PTPRK: variants seen among roughly 807,000 people sequenced by gnomAD.
PTPRK encodes the protein receptor-type tyrosine-protein phosphatase kappa.
PTPRK carries 75 observed loss-of-function variants against 178.0 expected under a neutral mutation model. The ratio of observed to expected loss-of-function variants is 0.42; its 90% CI spans 0.35 to 0.51. The LOEUF is 0.51. Ranked by LOEUF, PTPRK falls within the 20% of genes least tolerant of loss-of-function variation. PTPRK has a pLI of 0.02. For missense variants in PTPRK, 1,441 were observed against 1,797.8 expected (o/e 0.80, Z 3.59); for synonymous variants, 637 against 620.6 (o/e 1.03, Z -0.39).
intron 6 of PTPRK, among the ~76,000 whole-genome samples, chr6:128,213,496 C>CT (rs767711272): frequency 6.6e-6 from 1 of 152,018 alleles, no homozygotes; most frequent in Non-Finnish European, 1.5e-5. Context: ...GAAAACATAG[C>CT]TGTTTAAATT....
intron 1 of PTPRK, among the ~76,000 whole-genome samples, chr6:128,497,085 T>C (rs1290160605): frequency 6.6e-6 from 1 of 152,224 alleles, no homozygotes; most frequent in Non-Finnish European, 1.5e-5. Context: ...ATTAATCACT[T>C]ATAAAATTGC....
intron 13 of PTPRK, among the ~76,000 whole-genome samples, chr6:128,063,862 G>A (rs540331231): frequency 5.8e-4 from 89 of 152,252 alleles, no homozygotes; most frequent in African/African-American, 2.0e-3. Context: ...GGAGAAAACT[G>A]ATGAAAGGAA....
chr6:128,339,440 T>C (rs1229661687), intron 2 of PTPRK, among the ~76,000 whole-genome samples: 2 of 152,174 alleles, frequency 1.3e-5, no homozygotes, highest in East Asian at 1.9e-4. Context: ...CATCTACTAA[T>C]GTATTTTTCC....
chr6:128,381,526 C>A (rs959018588), intron 2 of PTPRK, among the ~76,000 whole-genome samples: 53 of 152,158 alleles, frequency 3.5e-4, no homozygotes, highest in African/African-American at 1.3e-3. Flanking sequence ...AAACCAATTT[C>A]TTATAGATTA....
chr6:128,151,270 T>C (rs1041030214), intron 7 of PTPRK, among the ~76,000 whole-genome samples: 17 of 152,066 alleles, frequency 1.1e-4, no homozygotes, highest in Admixed American at 3.3e-4. Flanking sequence ...AACTATATTT[T>C]TAAAATCCCA....
intron 13 of PTPRK, among the ~76,000 whole-genome samples, chr6:128,052,808 T>A (rs1779243287): frequency 6.6e-6 from 1 of 152,210 alleles, no homozygotes; most frequent in South Asian, 2.1e-4. Flanking sequence ...TAAGGACTTG[T>A]GCTTTCCTAT....
At chr6:128,072,661 G>A (rs538295642) in intron 11 of PTPRK, among the ~76,000 whole-genome samples, 14 of 151,986 alleles carry the variant, frequency 9.2e-5, no homozygotes, top group African/African-American at 3.4e-4. Context: ...TTTTCCATTC[G>A]AAGCTGGTAT....
chr6:128,039,393 T>C (rs1252158748), intron 13 of PTPRK, among the ~76,000 whole-genome samples: 1 of 152,154 alleles, frequency 6.6e-6, no homozygotes, highest in African/African-American at 2.4e-5. Context: ...ATAGGGTCTA[T>C]GTTCATAAAT....
chr6:128,138,653 C>A (rs1227278442), intron 7 of PTPRK, among the ~76,000 whole-genome samples: 1 of 152,008 alleles, frequency 6.6e-6, no homozygotes, highest in Non-Finnish European at 1.5e-5. Flanking sequence ...TGTCTTTATT[C>A]CTATTTAATT....
intron 7 of PTPRK, among the ~76,000 whole-genome samples, chr6:128,115,203 T>C (rs1455339509): frequency 6.6e-6 from 1 of 152,090 alleles, no homozygotes; most frequent in African/African-American, 2.4e-5. Flanking sequence ...CAGCTCAGCA[T>C]ACCTGACTGG....
At chr6:128,031,258 T>C (rs1379273048) in intron 13 of PTPRK, among the ~76,000 whole-genome samples, 5 of 152,180 alleles carry the variant, frequency 3.3e-5, no homozygotes, top group Non-Finnish European at 2.9e-5. Flanking sequence ...AACAGGTGAT[T>C]TGGCTAAACG....
At chr6:127,980,796 T>G (rs1396045782) in intron 25 of PTPRK, among the ~76,000 whole-genome samples, 1 of 151,988 alleles carries the variant, frequency 6.6e-6, no homozygotes, top group East Asian at 1.9e-4. Flanking sequence ...CATTTCTAAT[T>G]ATATTCAAAA....
chr6:128,129,817 A>C (rs1275917526), intron 7 of PTPRK, among the ~76,000 whole-genome samples: 2 of 152,170 alleles, frequency 1.3e-5, no homozygotes, highest in Admixed American at 6.5e-5. Context: ...TTTTGTATAT[A>C]CTTTATTGTC....
intron 1 of PTPRK, among the ~76,000 whole-genome samples, chr6:128,427,015 T>C (rs1044247011): frequency 1.3e-5 from 2 of 152,290 alleles, no homozygotes; most frequent in South Asian, 2.1e-4. Context: ...CATGAATAAG[T>C]TTAAAGATTA....
At chr6:128,222,132 T>C (rs1356972797) in intron 5 of PTPRK, among the ~76,000 whole-genome samples, 1 of 152,206 alleles carries the variant, frequency 6.6e-6, no homozygotes, top group Non-Finnish European at 1.5e-5. Context: ...CCAAATTCTC[T>C]TGCACATGTC....
intron 3 of PTPRK, among the ~76,000 whole-genome samples, chr6:128,303,909 T>G (rs1157223290): frequency 6.6e-6 from 1 of 152,218 alleles, no homozygotes; most frequent in African/African-American, 2.4e-5. Context: ...TCTAGATACC[T>G]GTTGAAACAA....
intron 2 of PTPRK, among the ~76,000 whole-genome samples, chr6:128,379,529 T>C (rs915061909): frequency 1.3e-5 from 2 of 152,220 alleles, no homozygotes; most frequent in African/African-American, 4.8e-5. Context: ...GTCTTGATTT[T>C]ACCTTTAAGA....
At chr6:128,451,657 G>T (rs1847813353) in intron 1 of PTPRK, among the ~76,000 whole-genome samples, 1 of 151,852 alleles carries the variant, frequency 6.6e-6, no homozygotes, top group Admixed American at 6.6e-5. Context: ...GGAAATGTAG[G>T]GGTTTTATTT....
chr6:128,404,512 T>TAA (rs1385549286), intron 1 of PTPRK, among the ~76,000 whole-genome samples: 1 of 152,188 alleles, frequency 6.6e-6, no homozygotes, highest in African/African-American at 2.4e-5. Context: ...GGTCATCAGT[T>TAA]CTTTGTTTTA....
Sources: allele counts gnomAD v4.1 joint callset (sites outside exome capture counted in the v4.1 genomes callset), GRCh38; gene constraint gnomAD v4.1.1; transcripts MANE v1.5; gene names NCBI Gene and HGNC (gene_info 2026-07-23, HGNC 2026-07-21).